Variants in PTPRB observed in about 807,000 individuals in gnomAD.
PTPRB encodes the protein receptor-type tyrosine-protein phosphatase beta.
Under a neutral mutation model 238.1 loss-of-function variants are expected in PTPRB, and 97 were observed. The ratio of observed to expected loss-of-function variants is 0.41; its 90% CI spans 0.35 to 0.48. The LOEUF (loss-of-function observed/expected upper bound fraction) is 0.48. PTPRB is among the 20% of genes least tolerant of loss of function. The pLI, the probability that PTPRB is intolerant of heterozygous loss-of-function variation, is 0.30. For missense variants in PTPRB, 2,292 were observed against 2,681.9 expected (o/e 0.85, Z 3.21); for synonymous variants, 970 against 995.4 (o/e 0.97, Z 0.48).
rs115705122 is a variant in PTPRB, at chr12:70,604,740, G to A, written c.979+4329C>T. Among the ~76,000 whole-genome samples the A allele has an allele frequency of 4.4e-3, 672 of 152,254 alleles. 5 individuals carry two copies. Among genetic ancestry groups the A allele is most frequent in the African/African-American group, 0.015 (632 of 41,530 alleles). On this transcript the variant is annotated intron_variant, in intron 4 of 33. Transcript: ENST00000334414. ...TAAGTTAAAATGGGGCCATTAGAGC[G>A]GGCCCTAAGCCAATATGACTGGTGT...
intron 20 of PTPRB, among the ~76,000 whole-genome samples, chr12:70,554,692 C>G (rs757297277): frequency 2.6e-5 from 4 of 152,032 alleles, no homozygotes; most frequent in Non-Finnish European, 5.9e-5. Flanking sequence ...ATTTTTGTGA[C>G]TTGGTGGGTG....
At chr12:70,591,225 C>T (rs562896092) in intron 7 of PTPRB, among the ~76,000 whole-genome samples, 16 of 151,840 alleles carry the variant, frequency 1.1e-4, no homozygotes, top group Admixed American at 7.2e-4. Flanking sequence ...CATGAGCCAC[C>T]GCACCCTGCT....
chr12:70,552,997 G>T lies in PTPRB; in HGVS notation c.5167C>A (p.Gln1723Lys), dbSNP rs1388385974. 1 of 1,613,834 alleles carries T rather than the reference G, an allele frequency of 6.2e-7. No individual in the cohort carries two copies. Among genetic ancestry groups the T allele is most frequent in the Non-Finnish European group, 8.5e-7 (1 of 1,179,748 alleles). ...ADGSDELKPE[Q>K]QHPLPSYLEY... is the part of the protein sequence containing the mutation. ...AGGTAGGAAGGGAGAGGGTGCTGCT[G>T]TTCTGGCTTCAGCTCATCACTGCCT... The change falls in exon 21 of 34, where the codon CAG (glutamine) becomes AAG (lysine). Residue 1723 changes from glutamine to lysine, a missense_variant. Gln to Lys is a moderately conservative substitution (Grantham distance 53, BLOSUM62 1). Transcript: ENST00000334414.
chr12:70,569,938 A>G lies in PTPRB; in HGVS notation c.3371T>C (p.Val1124Ala), dbSNP rs777368831. The G allele has an allele frequency of 6.2e-6, 10 of 1,601,364 alleles. No homozygotes were observed. In the South Asian group the frequency reaches 7.7e-5, roughly 12 times the overall value. ...GTGAATATTTTTGACAGCACTAGGA[A>G]CTAAAACAGAAAATAAATTTAAAAG... ...QQSAFIEGFTVPSAVKNIHIS... is the reference protein window; with the variant it reads ...QQSAFIEGFTAPSAVKNIHIS... The change falls in exon 14 of 34, where the codon GTT becomes GCT. Residue 1124 changes from valine (V) to alanine (A), a missense_variant and splice_region_variant. By Grantham distance (64) the Val-to-Ala change is moderately conservative. Around this residue, in one of 4 missense-constraint regions of PTPRB, gnomAD observed 683 missense variants for 862.0 expected, o/e 0.79. Transcript: ENST00000334414.
intron 22 of PTPRB, chr12:70,542,744 A>G (rs2953462): frequency 0.97 from 146,073 of 151,160 alleles, 70,617 homozygotes; most frequent in East Asian, 1. Flanking sequence ...AAAATTAGCC[A>G]GGCGTGGTGG....
Position 70,555,184 on chromosome 12 carries a change from T to C in PTPRB, c.5119A>G (p.Thr1707Ala). 6.2e-7 allele frequency: 1 copy of C among 1,613,892 alleles called. No individual in the cohort carries two copies. The highest frequency in any genetic ancestry group is 1.3e-5 in the African/African-American group (1 of 75,038). The change falls in exon 20 of 34, where the codon ACA becomes GCA. Residue 1707 changes from threonine to alanine, a missense_variant. Coordinates refer to ENST00000334414, the MANE Select transcript of PTPRB (RefSeq NM_001109754.4). ...CCATCAGCCTCTCTCACCACCACTG[T>C]GAAGTATTTCACAGCTCCATTGGTG... ...SDTNGAVKYF[T>A]VVVREADGSD...
At chr12:70,609,727 C>G (rs774968807) in intron 3 of PTPRB, 1 of 1,529,254 alleles carries the variant, frequency 6.5e-7, no homozygotes, top group Non-Finnish European at 8.8e-7. Flanking sequence ...GGGGAGGGGG[C>G]GCATCAGCTC....
At chr12:70,618,015 T>G (rs1455437505) in intron 3 of PTPRB, among the ~76,000 whole-genome samples, 2 of 152,234 alleles carry the variant, frequency 1.3e-5, no homozygotes, top group Admixed American at 6.5e-5. Flanking sequence ...GTAGGAATGA[T>G]GAAGCAGGAA....
At position 70,534,953 on chromosome 12, in the gene PTPRB, T is replaced by C; in HGVS notation, c.6084A>G (p.Val2028=). 1 of 1,613,052 alleles carries C rather than the reference T, an allele frequency of 6.2e-7. No homozygotes were observed. Among genetic ancestry groups the C allele is most frequent in the African/African-American group, 1.3e-5 (1 of 75,002 alleles). ...MVTQCVEKGR[V]KCDHYWPADQ... is the part of the protein sequence containing the mutation. Reference sequence around the variant, plus strand: ...CCGCTGGCCAGTAATGATCACACTTTACCTAGAACAGGACAGACAGAAAAA... The same window carrying C: ...CCGCTGGCCAGTAATGATCACACTTCACCTAGAACAGGACAGACAGAAAAA... The change falls in exon 30 of 34, where the codon GTA becomes GTG. Residue 2028 remains valine (V), a splice_region_variant and synonymous_variant. Coordinates refer to ENST00000334414, the MANE Select transcript of PTPRB (RefSeq NM_001109754.4).
chr12:70,636,063 C>T lies in PTPRB; in HGVS notation c.59G>A (p.Gly20Glu). Residue 20 changes from glycine (G) to glutamate (E), a missense_variant, in exon 2 of 34, where the codon GGG becomes GAG. Gly to Glu is a moderately conservative substitution (Grantham distance 98). This residue lies in a region of PTPRB where 1,205 missense variants were observed against 1,287.8 expected (regional missense o/e 0.94). Coordinates refer to ENST00000334414, the MANE Select transcript of PTPRB (RefSeq NM_001109754.4). ...LTCLIFRNSE[G>E]FQIVHVQKQQ... Reference sequence around the variant, plus strand: ...TTTCTGGACATGGACAATCTGAAACCCTTCTGGAAGATGAAAAGCTCATAA... The same window carrying T: ...TTTCTGGACATGGACAATCTGAAACTCTTCTGGAAGATGAAAAGCTCATAA... 1 of 1,603,466 alleles carries T rather than the reference C, an allele frequency of 6.2e-7. No individual in the cohort carries two copies. The highest frequency in any genetic ancestry group is 8.5e-7 in the Non-Finnish European group (1 of 1,174,144).
intron 28 of PTPRB, 27 bp downstream of exon 28, chr12:70,538,128 A>T: frequency 6.3e-7 from 1 of 1,593,000 alleles, no homozygotes; most frequent in East Asian, 2.2e-5. Flanking sequence ...CCTCATCCTG[A>T]ACACTATGGC....
intron 2 of PTPRB, 38 bp downstream of exon 2, chr12:70,635,633 A>G: frequency 1.3e-6 from 2 of 1,580,706 alleles, no homozygotes; most frequent in Non-Finnish European, 1.7e-6. Flanking sequence ...TATTTAGTAG[A>G]AAGACTTTCA....
chr12:70,556,174 T>C lies in PTPRB; in HGVS notation c.4715-26A>G, dbSNP rs1344315574. Reference sequence around the variant, plus strand: ...CTAAAGGAAACAGAGGAGGCAACACTTTTCAGAACTCAGGGAGAATTTTTT... The same window carrying C: ...CTAAAGGAAACAGAGGAGGCAACACCTTTCAGAACTCAGGGAGAATTTTTT... On this transcript the variant is annotated intron_variant, in intron 18 of 33. Coordinates refer to ENST00000334414, the MANE Select transcript of PTPRB (RefSeq NM_001109754.4). 3 of 1,584,366 alleles carry C rather than the reference T, an allele frequency of 1.9e-6. No individual in the cohort carries two copies. In the African/African-American group the frequency reaches 4.2e-5, roughly 22 times the overall value.
chr12:70,553,455 C>T (rs1877205824), intron 20 of PTPRB, among the ~76,000 whole-genome samples: 1 of 152,154 alleles, frequency 6.6e-6, no homozygotes, highest in Admixed American at 6.5e-5. Flanking sequence ...ATGTCCTAGG[C>T]CAGAGCAGTC....
chr12:70,611,480 AAT>A (rs1384845164), intron 3 of PTPRB, among the ~76,000 whole-genome samples: 14 of 151,376 alleles, frequency 9.2e-5, no homozygotes, highest in African/African-American at 3.2e-4. Context: ...GTGTATTTTT[AAT>A]AGAGACAGGG....
At chr12:70,625,874 T>A (rs962585039) in intron 2 of PTPRB, among the ~76,000 whole-genome samples, 3 of 152,144 alleles carry the variant, frequency 2.0e-5, no homozygotes, top group Admixed American at 6.6e-5. Flanking sequence ...CTAAAAAGTT[T>A]TAGCATTTAA....
chr12:70,606,624 T>C (rs4761223), intron 4 of PTPRB, among the ~76,000 whole-genome samples: 36,169 of 152,112 alleles, frequency 0.24, 4,543 homozygotes, highest in South Asian at 0.34. Flanking sequence ...TTGTCTGAGT[T>C]TGAATATTAT....
intron 3 of PTPRB, among the ~76,000 whole-genome samples, chr12:70,616,920 C>T (rs565332950): frequency 1.3e-5 from 2 of 152,290 alleles, no homozygotes; most frequent in Admixed American, 6.5e-5. Flanking sequence ...AACCAAATCT[C>T]CACATACTCA....
rs191519480 is a variant in PTPRB at position 70,581,068 on chromosome 12, G to A, written c.2546C>T (p.Ser849Phe). The change falls in exon 10 of 34, where the codon TCT (serine) becomes TTT (phenylalanine). Residue 849 changes from serine (S) to phenylalanine (F), a missense_variant. By Grantham distance (155) the Ser-to-Phe change is radical. Around this residue, in one of 4 missense-constraint regions of PTPRB, gnomAD observed 1,205 missense variants for 1,287.8 expected, o/e 0.94. Transcript: ENST00000334414. ...VVVTTVSGGI[S>F]SRQVVVEGRT... The stretch of plus-strand genomic sequence containing the variant: ...TCCCTCCACAACCACTTGTCGGGAA[G>A]AGATCCCTCCACTCACTGTTGTTAC... 1.9e-6 allele frequency: 3 copies of A among 1,613,988 alleles called. No individual in the cohort carries two copies. The highest frequency in any genetic ancestry group is 2.5e-6 in the Non-Finnish European group (3 of 1,179,890).
Sources: gnomAD v4.1 joint callset for allele counts (sites outside exome capture counted in the v4.1 genomes callset) on GRCh38, gnomAD v4.1.1 for gene constraint, gnomAD v4.1.1 regional missense constraint, MANE v1.5 for transcripts, NCBI Gene and HGNC (gene_info 2026-07-23, HGNC 2026-07-21) for gene names.